The following NEBL variants were observed in gnomAD, a reference collection of about 807,000 sequenced individuals.
NEBL encodes nebulette.
Under a neutral mutation model 140.2 loss-of-function variants are expected in NEBL, and 122 were observed. The observed-to-expected ratio is 0.87, with a 90% CI of 0.75 to 1.01. The LOEUF is 1.01. NEBL is among the 50% of genes least tolerant of loss of function. The pLI is 0.00. For synonymous variants in NEBL, 436 were observed against 398.9 expected (o/e 1.09, Z -1.11); for missense variants, 1,365 against 1,231.3 (o/e 1.11, Z -1.62).
intron 3 of NEBL, among the ~76,000 whole-genome samples, chr10:21,183,781 C>A (rs561351348): frequency 6.6e-6 from 1 of 152,248 alleles, no homozygotes; most frequent in South Asian, 2.1e-4. Flanking sequence ...CAAATCTCAT[C>A]TTGAATCATA....
At chr10:21,061,529 A>G (rs533951968) in intron 2 of NEBL, among the ~76,000 whole-genome samples, 1 of 146,974 alleles carries the variant, frequency 6.8e-6, no homozygotes, top group Non-Finnish European at 1.5e-5. Flanking sequence ...TATATCACAT[A>G]TTACATCATA....
intron 24 of NEBL, among the ~76,000 whole-genome samples, 188 bp downstream of exon 24, chr10:20,812,581 C>G (rs1384167969): frequency 3.3e-5 from 5 of 150,768 alleles, no homozygotes; most frequent in African/African-American, 1.2e-4. Context: ...TGAGATGATA[C>G]CAGGTGAATG....
At chr10:20,955,745 T>C (rs192083003) in intron 4 of NEBL, among the ~76,000 whole-genome samples, 225 of 151,918 alleles carry the variant, frequency 1.5e-3, no homozygotes, top group Non-Finnish European at 2.9e-3. Flanking sequence ...TTAGATGCAA[T>C]GAAAGGAACA....
At chr10:21,187,861 C>T (rs1841502391) in intron 3 of NEBL, among the ~76,000 whole-genome samples, 1 of 152,116 alleles carries the variant, frequency 6.6e-6, no homozygotes, top group African/African-American at 2.4e-5. Flanking sequence ...CACAATGGTT[C>T]CTTTTTCCCC....
chr10:20,874,469 G>A (rs942682193), intron 5 of NEBL, among the ~76,000 whole-genome samples: 1 of 152,172 alleles, frequency 6.6e-6, no homozygotes, highest in African/African-American at 2.4e-5. Flanking sequence ...GCTGCTGTAA[G>A]GATGATTAAA....
chr10:21,020,713 C>T lies in NEBL; in HGVS notation c.165-512G>A, dbSNP rs557113044. Among the ~76,000 whole-genome samples the T allele has an allele frequency of 7.2e-5, 11 of 152,274 alleles. No individual in the cohort carries two copies. The East Asian group carries it at 1.2e-3, about 16-fold the overall frequency. ...TTGTAGTCCTCCTCTTGGGCGGCCT[C>T]CCTCCATCTTGAAATGTCGTCTCCC... On this transcript the variant is annotated intron_variant, in intron 2 of 6. Transcript: ENST00000417816.
chr10:20,899,433 T>C, upstream of NEBL: 1 of 1,302,422 alleles, frequency 7.7e-7, no homozygotes, highest in Non-Finnish European at 1.0e-6. Context: ...AATATGTTCT[T>C]AGGGACTCTT....
At chr10:21,031,588 A>G (rs1833794202) in intron 2 of NEBL, among the ~76,000 whole-genome samples, 1 of 152,242 alleles carries the variant, frequency 6.6e-6, no homozygotes, top group South Asian at 2.1e-4. Flanking sequence ...TTGTTTAAGG[A>G]AGACCTCCTC....
chr10:20,944,249 A>C (rs1315289885), intron 4 of NEBL, among the ~76,000 whole-genome samples: 2 of 151,996 alleles, frequency 1.3e-5, no homozygotes, highest in Non-Finnish European at 2.9e-5. Context: ...TAAGTACAAA[A>C]ATTAGCCAGG....
In NEBL at chr10:21,002,743, G is replaced by A. The variant is rs935056360; in HGVS notation, c.249+17374C>T. On this transcript the variant is annotated intron_variant, in intron 3 of 6. Coordinates refer to the NEBL transcript ENST00000417816. ...ACACTTTTAAACAACCAGATCTCGG[G>A]AGAACTCACTTACCATCACGAGAAC... 2.6e-4 allele frequency among the ~76,000 whole-genome samples: 39 copies of A among 152,080 alleles called. 1 individual carries two copies. Among genetic ancestry groups the A allele is most frequent in the African/African-American group, 8.9e-4 (37 of 41,392 alleles).
At chr10:21,040,898 T>C (rs1834240975) in intron 2 of NEBL, among the ~76,000 whole-genome samples, 1 of 152,144 alleles carries the variant, frequency 6.6e-6, no homozygotes, top group East Asian at 1.9e-4. Context: ...CTATGTAACA[T>C]GTCCCTGCCT....
intron 26 of NEBL, among the ~76,000 whole-genome samples, chr10:20,794,282 A>T (rs1021969659): frequency 1.3e-5 from 2 of 152,210 alleles, no homozygotes; most frequent in African/African-American, 4.8e-5. Context: ...CTCTCAAGCC[A>T]ATGCTAGGAT....
intron 3 of NEBL, among the ~76,000 whole-genome samples, chr10:20,985,949 A>G (rs886928544): frequency 6.6e-6 from 1 of 152,228 alleles, no homozygotes; most frequent in Non-Finnish European, 1.5e-5. Context: ...TGCAAGAATT[A>G]AAAAGTTTAA....
At chr10:21,076,499 C>A (rs559679165) in intron 2 of NEBL, among the ~76,000 whole-genome samples, 1 of 133,788 alleles carries the variant, frequency 7.5e-6, no homozygotes, top group African/African-American at 2.7e-5. Context: ...CCCAACAATT[C>A]TACTTGTGGG....
chr10:21,248,507 T>A (rs190585452), intron 2 of NEBL, among the ~76,000 whole-genome samples: 270 of 152,330 alleles, frequency 1.8e-3, no homozygotes, highest in Non-Finnish European at 2.2e-3. Context: ...ATTCTATTCC[T>A]TATTAGGACT....
At chr10:20,928,845 A>G (rs1834036431) in intron 4 of NEBL, among the ~76,000 whole-genome samples, 1 of 152,224 alleles carries the variant, frequency 6.6e-6, no homozygotes, top group Non-Finnish European at 1.5e-5. Context: ...TTAAAAACAA[A>G]GATGAAAAAT....
rs183315025 is a variant in NEBL at position 20,955,382 on chromosome 10, A to T, written c.357+6290T>A. ...CCACAATAATTCAGAGATGAGACAC[A>T]TCACTGTAGCTGGGTTTGAGTGTGT... On this transcript the variant is annotated intron_variant, in intron 4 of 6. Coordinates refer to the NEBL transcript ENST00000417816. 1.7e-3 allele frequency among the ~76,000 whole-genome samples: 257 copies of T among 152,342 alleles called. 1 individual carries two copies. The highest frequency in any genetic ancestry group is 5.9e-3 in the African/African-American group (245 of 41,594).
At chr10:21,230,192 A>G (rs909929116) in intron 3 of NEBL, among the ~76,000 whole-genome samples, 1 of 152,198 alleles carries the variant, frequency 6.6e-6, no homozygotes, top group African/African-American at 2.4e-5. Flanking sequence ...GAGGGGGTCT[A>G]AAGAAATATA....
chr10:20,808,684 A>G (rs913165823), intron 25 of NEBL, 25 bp from the exon 26 acceptor site: 2 of 1,605,714 alleles, frequency 1.2e-6, no homozygotes, highest in Non-Finnish European at 1.7e-6. Flanking sequence ...AAATATTTAC[A>G]CGTGTGATTA....
Sources: gnomAD v4.1 joint callset for allele counts (sites outside exome capture counted in the v4.1 genomes callset) on GRCh38, gnomAD v4.1.1 for gene constraint, MANE v1.5 for transcripts, NCBI Gene and HGNC (gene_info 2026-07-23, HGNC 2026-07-21) for gene names.